AKAP9: variants seen among roughly 807,000 people sequenced by gnomAD.
The protein encoded by AKAP9 is A-kinase anchor protein 9.
Under a neutral mutation model 488.5 loss-of-function variants are expected in AKAP9, and 311 were observed. That is an observed-to-expected ratio of 0.64 (90% CI 0.58 to 0.70). The LOEUF (loss-of-function observed/expected upper bound fraction) is 0.70, where lower values mean the gene tolerates loss of function less well. Ranked by LOEUF, AKAP9 falls within the 30% of genes least tolerant of loss-of-function variation. The pLI is 0.00. For synonymous variants in AKAP9, 1,462 were observed against 1,483.5 expected, an observed-to-expected ratio of 0.99 and a Z score of 0.33; for missense variants, 4,215 against 4,374.5, an observed-to-expected ratio of 0.96 and a Z score of 1.03.
rs144021475 is a variant in AKAP9 at position 92,096,789 on chromosome 7, T to C, written c.9830T>C (p.Ile3277Thr). ...KQLLNESQQKIESQRMLYDAQ... is the reference protein window; with the variant it reads ...KQLLNESQQKTESQRMLYDAQ... ...CTACTGAACGAATCCCAGCAAAAAATAGAATCACAGAGAATGCTATATGAT... is the reference window on the plus strand; with the variant it reads ...CTACTGAACGAATCCCAGCAAAAAACAGAATCACAGAGAATGCTATATGAT... The change falls in exon 41 of 50, where the codon ATA becomes ACA. Residue 3277 changes from isoleucine (I) to threonine (T), a missense_variant. Physicochemically the swap from Ile to Thr is moderately conservative, Grantham distance 89 (BLOSUM62 -1). Around this residue, in one of 5 missense-constraint regions of AKAP9, gnomAD observed 1,476 missense variants for 1,477.4 expected, o/e 1.00. Transcript: ENST00000356239. 8.8e-5 allele frequency: 142 copies of C among 1,614,130 alleles called. No homozygotes were observed. Among genetic ancestry groups the C allele is most frequent in the Non-Finnish European group, 1.2e-4 (136 of 1,180,022 alleles).
intron 3 of AKAP9, among the ~76,000 whole-genome samples, 162 bp downstream of exon 3, chr7:91,980,495 CTT>C (rs60385804): frequency 1.0e-4 from 5 of 48,754 alleles, no homozygotes; most frequent in African/African-American, 2.8e-4. Flanking sequence ...GTATTACTGA[CTT>C]TTTTTTTTTT....
chr7:92,040,587 C>T lies in AKAP9; in HGVS notation c.4693-87C>T, dbSNP rs369273557. The stretch of plus-strand genomic sequence containing the variant: ...ATGGGATAAGGAATAGAATTGCTTT[C>T]GTATTTGTTTACAATATTAATGCTG... On this transcript the variant is annotated intron_variant, in intron 17 of 49. Transcript: ENST00000356239. The T allele has an allele frequency of 4.9e-5, 45 of 913,394 alleles. No individual in the cohort carries two copies. In the East Asian group the frequency reaches 7.1e-4, roughly 14 times the overall value. The allele number at this position is 913,394 out of a possible 1,614,324, so 56.6% of individuals were successfully genotyped here. A position where few individuals can be genotyped will look rare whatever the true frequency, so the allele number is the denominator to read the frequency against.
At chr7:91,999,282 A>G (rs558644187) in intron 7 of AKAP9, among the ~76,000 whole-genome samples, 65 of 152,152 alleles carry the variant, frequency 4.3e-4, no homozygotes, top group Admixed American at 9.2e-4. Context: ...CTGGAGTGCA[A>G]TGGTGAGATC....
chr7:92,061,583 ACTATAT>A (rs1338433022), intron 23 of AKAP9, among the ~76,000 whole-genome samples, 161 bp downstream of exon 23: 3 of 33,834 alleles, frequency 8.9e-5, no homozygotes, highest in African/African-American at 4.2e-4. Context: ...AATTTTTAAA[ACTATAT>A]ATATATATAT....
Position 92,001,237 on chromosome 7 carries a change from G to A in AKAP9, c.1320G>A (p.Met440Ile), listed in dbSNP as rs1562958498. The A allele has an allele frequency of 1.2e-6, 2 of 1,613,956 alleles. No homozygotes were observed. Among genetic ancestry groups the A allele is most frequent in the African/African-American group, 1.3e-5 (1 of 75,040 alleles). ...AACTCCGGGCAGAGCTGGATGAGAT[G>A]TATGGGCAGCAGATAGTGCAAATGA... ...LEQLRAELDE[M>I]YGQQIVQMKQ... The change falls in exon 8 of 50, where the codon ATG becomes ATA. Residue 440 changes from methionine to isoleucine, a missense_variant. Transcript: ENST00000356239.
At chr7:91,947,584 T>C (rs1791625029) in intron 1 of AKAP9, among the ~76,000 whole-genome samples, 1 of 152,192 alleles carries the variant, frequency 6.6e-6, no homozygotes, top group East Asian at 1.9e-4. Context: ...TTGTGATCCG[T>C]CCACCTTGGC....
intron 8 of AKAP9, among the ~76,000 whole-genome samples, chr7:92,006,021 C>G (rs1799802870): frequency 1.3e-5 from 2 of 152,044 alleles, no homozygotes; most frequent in South Asian, 4.1e-4. Flanking sequence ...TTTTCAAAAC[C>G]AAAATGTATG....
chr7:92,043,502 G>T (rs1806461001), intron 20 of AKAP9: 1 of 202,428 alleles, frequency 4.9e-6, no homozygotes, highest in Admixed American at 6.5e-5. Flanking sequence ...TTTATAGTAA[G>T]TGCCAATAAA....
chr7:92,030,994 A>G (rs2130755978), intron 15 of AKAP9, among the ~76,000 whole-genome samples: 1 of 152,352 alleles, frequency 6.6e-6, no homozygotes, highest in Admixed American at 6.5e-5. Context: ...ATCCCATGTC[A>G]TGATGATTGG....
Position 92,053,282 on chromosome 7 carries a change from A to G in AKAP9, c.5601+324A>G, listed in dbSNP as rs148843226. Among the ~76,000 whole-genome samples the G allele has an allele frequency of 3.3e-3, 496 of 152,320 alleles. 2 individuals are homozygous for G. Among genetic ancestry groups the G allele is most frequent in the Middle Eastern group, 6.8e-3 (2 of 294 alleles). ...TTTTGTTTCTTAACCGCTATTAAGT[A>G]CTTTTGACCTGGATCTCAGCCAGTG... On this transcript the variant is annotated intron_variant, in intron 22 of 49. Coordinates refer to ENST00000356239, the MANE Select transcript of AKAP9 (RefSeq NM_005751.5).
chr7:91,954,862 C>T (rs1306525625), intron 1 of AKAP9, among the ~76,000 whole-genome samples: 3 of 152,166 alleles, frequency 2.0e-5, no homozygotes, highest in African/African-American at 7.2e-5. Flanking sequence ...GTGCCAGCTA[C>T]TTTACTTGGT....
chr7:92,110,113 C>T lies in AKAP9; in HGVS notation c.11687-9C>T, dbSNP rs747755569. Reference sequence around the variant, plus strand: ...GAAATCAGTTGAATTTCCTGTTTTTCTCTCATAGGTTCAACTACTCAATTT... The same window carrying T: ...GAAATCAGTTGAATTTCCTGTTTTTTTCTCATAGGTTCAACTACTCAATTT... On this transcript the variant is annotated splice_polypyrimidine_tract_variant and intron_variant, in intron 49 of 49. Transcript: ENST00000356239. The T allele has an allele frequency of 6.3e-7, 1 of 1,596,340 alleles. No homozygotes were observed. Among genetic ancestry groups the T allele is most frequent in the South Asian group, 1.1e-5 (1 of 89,276 alleles).
chr7:91,961,130 A>G (rs1033989690), intron 1 of AKAP9, among the ~76,000 whole-genome samples: 2 of 151,994 alleles, frequency 1.3e-5, no homozygotes, highest in Admixed American at 6.6e-5. Flanking sequence ...GATTCCAAAT[A>G]GTTGATTTTT....
chr7:91,964,985 C>T (rs1794252022), intron 1 of AKAP9, among the ~76,000 whole-genome samples: 1 of 152,110 alleles, frequency 6.6e-6, no homozygotes, highest in Admixed American at 6.5e-5. Context: ...AGGATCAAAT[C>T]AGTGTAATTG....
At chr7:92,031,646 T>G (rs753325979) in intron 16 of AKAP9, 42 bp downstream of exon 16, 1 of 1,415,712 alleles carries the variant, frequency 7.1e-7, no homozygotes, top group Non-Finnish European at 1.0e-6. Flanking sequence ...TGGTTTATAT[T>G]CCCTTTGAGC....
At chr7:91,991,315 T>G (rs1283047827) in intron 3 of AKAP9, among the ~76,000 whole-genome samples, 2 of 152,122 alleles carry the variant, frequency 1.3e-5, no homozygotes, top group Non-Finnish European at 2.9e-5. Context: ...TAAAAAAATT[T>G]TTTAGAGACA....
At chr7:91,960,394 C>A (rs937168075) in intron 1 of AKAP9, among the ~76,000 whole-genome samples, 5 of 152,138 alleles carry the variant, frequency 3.3e-5, no homozygotes, top group African/African-American at 7.2e-5. Flanking sequence ...GATGAGAATG[C>A]ATGGAAAGCA....
At chr7:91,947,198 T>G (rs943098617) in intron 1 of AKAP9, among the ~76,000 whole-genome samples, 1 of 148,686 alleles carries the variant, frequency 6.7e-6, no homozygotes, top group Non-Finnish European at 1.5e-5. Context: ...GTGTGTGTGC[T>G]GGAGAGAGGG....
intron 40 of AKAP9, among the ~76,000 whole-genome samples, chr7:92,095,613 C>G (rs955794713): frequency 6.6e-6 from 1 of 152,154 alleles, no homozygotes; most frequent in African/African-American, 2.4e-5. Flanking sequence ...TTGCAAGGCT[C>G]TCAGCTCAAG....
Sources: allele counts gnomAD v4.1 joint callset (sites outside exome capture counted in the v4.1 genomes callset), GRCh38; gene constraint gnomAD v4.1.1; regional missense constraint gnomAD v4.1.1; transcripts MANE v1.5; gene names NCBI Gene and HGNC (gene_info 2026-07-23, HGNC 2026-07-21).